The following ACP7 variants were observed in gnomAD, a reference collection of about 807,000 sequenced individuals.
ACP7 encodes acid phosphatase 7, tartrate resistant (putative), also known as acid phosphatase type 7.
A neutral mutation model predicts 60.6 loss-of-function variants in ACP7; 58 were observed. The observed-to-expected ratio is 0.96, with a 90% confidence interval of 0.77 to 1.19. The LOEUF (loss-of-function observed/expected upper bound fraction) is 1.19. Ranked by LOEUF, ACP7 falls within the 50% of genes most tolerant of loss-of-function variation. The pLI, the probability that ACP7 is intolerant of heterozygous loss-of-function variation, is 0.00. For synonymous variants in ACP7, 237 were observed against 232.6 expected (o/e 1.02, Z -0.17); for missense variants, 574 against 596.2 (o/e 0.96, Z 0.39).
In ACP7 at chr19:39,107,077, A is replaced by T. The variant is rs760037406; in HGVS notation, c.1244A>T (p.Asp415Val). ...CACATCCACATCCAGCAGGTGTCGGACGACCAGGTCAGTGAGGGGCAGGCC... is the reference window on the plus strand; with the variant it reads ...CACATCCACATCCAGCAGGTGTCGGTCGACCAGGTCAGTGAGGGGCAGGCC... ...GTHIHIQQVS[D>V]DQDGKIVDDV... The change falls in exon 12 of 13, where the codon GAC (aspartate) becomes GTC (valine). Residue 415 changes from aspartate to valine, a missense_variant. By Grantham distance (152) the Asp-to-Val change is radical (BLOSUM62 -3). Transcript: ENST00000331256. 7 of 1,613,888 alleles carry T rather than the reference A, an allele frequency of 4.3e-6. No individual in the cohort carries two copies. The highest frequency in any genetic ancestry group is 4.2e-6 in the Non-Finnish European group (5 of 1,179,922).
At position 39,093,163 on chromosome 19, in the gene ACP7, TTTCTTTCTC is replaced by T. The variant is rs2073226072; in HGVS notation, c.122-5293_122-5285del. ...TCACTCCTTTCTTTCTTTCTCTTTC[TTTCTTTCTC>T]TCCTTCCTTCCTTCCTTCTTTCTTT... is the stretch of plus-strand genomic sequence containing the variant. On this transcript the variant is annotated intron_variant, in intron 2 of 12. Coordinates refer to ENST00000331256, the MANE Select transcript of ACP7 (RefSeq NM_001004318.3). Among the ~76,000 whole-genome samples the T allele has an allele frequency of 3.8e-5, 2 of 52,488 alleles. 1 individual carries two copies. 34.4% of individuals were successfully genotyped at this position (52,488 alleles called of 152,430 possible).
At chr19:39,103,635 T>A (rs539662949) in intron 11 of ACP7, among the ~76,000 whole-genome samples, 1 of 152,098 alleles carries the variant, frequency 6.6e-6, no homozygotes, top group South Asian at 2.1e-4. Context: ...CAGACCAGTC[T>A]GGGCAACATG....
rs760971917 is a variant in ACP7 at position 39,099,128 on chromosome 19, C to T, written c.491C>T (p.Ala164Val). 5 of 1,551,106 alleles carry T rather than the reference C, an allele frequency of 3.2e-6. No individual in the cohort carries two copies. The Admixed American group carries it at 7.9e-5, about 25-fold the overall frequency. The stretch of plus-strand genomic sequence containing the variant: ...GACACCCAGCAGGGCATGTATGACG[C>T]CGTTCTCCATGTGGGTGAGGCATCC... Reference protein sequence around the residue: ...RRDTQQGMYDAVLHVGDFAYN... With the variant: ...RRDTQQGMYDVVLHVGDFAYN... Residue 164 changes from alanine to valine, a missense_variant, in exon 4 of 13, where the codon GCC becomes GTC. By Grantham distance (64) the Ala-to-Val change is moderately conservative (BLOSUM62 0). Transcript: ENST00000331256.
intron 12 of ACP7, among the ~76,000 whole-genome samples, chr19:39,107,439 C>T (rs1344537586): frequency 1.3e-5 from 2 of 151,404 alleles, no homozygotes; most frequent in Non-Finnish European, 2.9e-5. Context: ...AAAAAATTAG[C>T]CAGGCGTGGT....
At chr19:39,092,425 G>C (rs576032018) in intron 2 of ACP7, among the ~76,000 whole-genome samples, 35 of 152,182 alleles carry the variant, frequency 2.3e-4, no homozygotes, top group South Asian at 8.3e-4. Flanking sequence ...AGGTGTGCCT[G>C]TGGGAAGCAC....
intron 2 of ACP7, among the ~76,000 whole-genome samples, chr19:39,093,156 C>CTTTT (rs2073225527): frequency 5.9e-5 from 3 of 50,932 alleles, no homozygotes; most frequent in African/African-American, 2.5e-4. Flanking sequence ...TTCTTTCTTT[C>CTTTT]TCTTTCTTTC....
chr19:39,100,717 C>T (rs899037592), intron 6 of ACP7, 22 bp from the exon 7 acceptor site: 68 of 1,613,108 alleles, frequency 4.2e-5, no homozygotes, highest in Non-Finnish European at 5.6e-5. Context: ...GGTCCCTGAC[C>T]CCTGCCCTTT....
In ACP7 at chr19:39,102,895, T is replaced by C. The variant is rs528076508; in HGVS notation, c.1113+1358T>C. Among the ~76,000 whole-genome samples the C allele has an allele frequency of 4.0e-5, 6 of 151,472 alleles. No homozygotes were observed. In the South Asian group the frequency reaches 1.3e-3, roughly 32 times the overall value. ...TCTTGTCACCCAGGCTGGAGTGCAG[T>C]GGCACGATCTCGGCTCAATGCAACC... On this transcript the variant is annotated intron_variant, in intron 11 of 12. Coordinates refer to ENST00000331256, the MANE Select transcript of ACP7 (RefSeq NM_001004318.3).
chr19:39,103,769 A>C (rs746032404), intron 11 of ACP7, among the ~76,000 whole-genome samples: 17 of 152,082 alleles, frequency 1.1e-4, no homozygotes, highest in African/African-American at 4.1e-4. Flanking sequence ...TCAAAGCTGC[A>C]ATGAGCTGAG....
In ACP7 at chr19:39,106,811, A is replaced by G. The variant is rs527657527; in HGVS notation, c.1114-136A>G. The G allele has an allele frequency of 5.0e-5, 52 of 1,040,932 alleles. 1 individual carries two copies. The South Asian group carries it at 8.2e-4, about 16-fold the overall frequency. The allele number at this position is 1,040,932 out of a possible 1,614,324, so 64.5% of individuals were successfully genotyped here. On this transcript the variant is annotated intron_variant, in intron 11 of 12. Transcript: ENST00000331256. ...AGTGCTGGAATTACAGGCATGAGCC[A>G]CTGCGCCCGGCCTCTATGGTGGTCA...
rs1056383382 is a variant in ACP7 at position 39,111,187 on chromosome 19, T to A, written c.*1069T>A. The stretch of plus-strand genomic sequence containing the variant: ...TGGGTACAGTAACTCACATCTGTAG[T>A]CCCAGCACTTTGGGAGGCCGAGGCG... On this transcript the variant is annotated 3_prime_UTR_variant, in exon 13 of 13. Transcript: ENST00000331256. The A allele has an allele frequency of 6.6e-6, 1 of 152,392 alleles. No individual in the cohort carries two copies. The highest frequency in any genetic ancestry group is 2.4e-5 in the African/African-American group (1 of 41,436). 9.4% of individuals were successfully genotyped at this position (152,392 alleles called of 1,614,324 possible).
In ACP7 at chr19:39,101,527, C is replaced by T. The variant is rs1308504473; in HGVS notation, c.1103C>T (p.Thr368Ile). 2 of 1,613,998 alleles carry T rather than the reference C, an allele frequency of 1.2e-6. No individual in the cohort carries two copies. The highest frequency in any genetic ancestry group is 2.2e-5 in the East Asian group (1 of 44,880). The change falls in exon 11 of 13, where the codon ACA becomes ATA. Residue 368 changes from threonine to isoleucine, a missense_variant. Physicochemically the swap from Thr to Ile is moderately conservative, Grantham distance 89 (BLOSUM62 -1). Coordinates refer to ENST00000331256, the MANE Select transcript of ACP7 (RefSeq NM_001004318.3). ...TNPRGPVHII[T>I]GSAGCEERLT... is the part of the protein sequence containing the mutation. ...CCGCGAGGGCCTGTCCACATCATCA[C>T]AGGATCTGCTGTGAGCAGGGGGAAG...
In ACP7 at chr19:39,107,098, A is replaced by G; in HGVS notation, c.1251+14A>G. ...TCGGACGACCAGGTCAGTGAGGGGC[A>G]GGCCGAAGTCACCTGACTGTACAGC... is the stretch of plus-strand genomic sequence containing the variant. On this transcript the variant is annotated intron_variant, in intron 12 of 12. Transcript: ENST00000331256. 1 of 1,613,100 alleles carries G rather than the reference A, an allele frequency of 6.2e-7. No individual in the cohort carries two copies. Among genetic ancestry groups the G allele is most frequent in the Non-Finnish European group, 8.5e-7 (1 of 1,179,452 alleles).
intron 2 of ACP7, among the ~76,000 whole-genome samples, chr19:39,086,141 T>C (rs1219785314): frequency 6.6e-6 from 1 of 151,826 alleles, no homozygotes; most frequent in Non-Finnish European, 1.5e-5. Context: ...CTAGGAAACA[T>C]AGTGAGACCT....
chr19:39,088,184 G>T (rs983509352), intron 2 of ACP7, among the ~76,000 whole-genome samples: 1 of 151,846 alleles, frequency 6.6e-6, no homozygotes, highest in Non-Finnish European at 1.5e-5. Flanking sequence ...ACCATGCCTG[G>T]CTAATTCTTT....
At chr19:39,103,911 C>T (rs2073385016) in intron 11 of ACP7, among the ~76,000 whole-genome samples, 1 of 151,888 alleles carries the variant, frequency 6.6e-6, no homozygotes. Flanking sequence ...GATCCCCCAG[C>T]TCGGCCTTCC....
chr19:39,084,454 C>A (rs2073117445), intron 1 of ACP7, 54 bp downstream of exon 1: 1 of 151,850 alleles, frequency 6.6e-6, no homozygotes, highest in African/African-American at 2.4e-5. Flanking sequence ...CGACCCGGCT[C>A]CATCCTGGCA....
At chr19:39,088,726 GGTTT>G (rs72337815) in intron 2 of ACP7, among the ~76,000 whole-genome samples, 9,971 of 149,976 alleles carry the variant, frequency 0.066, 874 homozygotes, top group African/African-American at 0.21. Context: ...GATCTTTGTG[GGTTT>G]GTTTGTTTGT....
rs1443130792 is a variant in ACP7, at chr19:39,101,291, T to C, written c.977T>C (p.Val326Ala). The C allele has an allele frequency of 1.9e-6, 3 of 1,613,738 alleles. No individual in the cohort carries two copies. Among genetic ancestry groups the C allele is most frequent in the Non-Finnish European group, 1.7e-6 (2 of 1,179,958 alleles). ...GLEDLFYKYG[V>A]DLQLWAHEHS... is the part of the protein sequence containing the mutation. ...ATCCCCGCTTGCTCTATCTCAGGAG[T>C]GGATCTGCAGCTGTGGGCTCATGAG... is the stretch of plus-strand genomic sequence containing the variant. The change falls in exon 10 of 13, where the codon GTG (valine) becomes GCG (alanine). Residue 326 changes from valine (V) to alanine (A), a missense_variant. Coordinates refer to ENST00000331256, the MANE Select transcript of ACP7 (RefSeq NM_001004318.3).
Sources: gnomAD v4.1 joint callset for allele counts (sites outside exome capture counted in the v4.1 genomes callset) on GRCh38, gnomAD v4.1.1 for gene constraint, MANE v1.5 for transcripts, NCBI Gene and HGNC (gene_info 2026-07-23, HGNC 2026-07-21) for gene names.